Variants in VPS13B observed in about 807,000 individuals in gnomAD.
The protein encoded by VPS13B is vacuolar protein sorting 13 homolog B, also known as intermembrane lipid transfer protein VPS13B.
A neutral mutation model predicts 426.4 loss-of-function variants in VPS13B; 285 were observed. The observed-to-expected ratio is 0.67, with a 90% CI of 0.61 to 0.74. The LOEUF is 0.74. VPS13B is among the 30% of genes least tolerant of loss of function. VPS13B has a pLI of 0.00. For synonymous variants in VPS13B, 1,676 were observed against 1,676.4 expected (o/e 1.00, Z 0.01); for missense variants, 4,537 against 4,782.6 (o/e 0.95, Z 1.51).
At position 99,384,277 on chromosome 8, in the gene VPS13B, T is replaced by C. The variant is rs750265067; in HGVS notation, c.2894T>C (p.Ile965Thr). ...NIDPILYTWL[I>T]YQPQKRTSRH... ...GACCCAATCTTATATACGTGGCTCA[T>C]CTATCAGCCTCAGAAACGAACAAGT... Residue 965 changes from isoleucine (I) to threonine (T), a missense_variant, in exon 20 of 62, where the codon ATC becomes ACC. Coordinates refer to ENST00000357162, the MANE Select transcript of VPS13B (RefSeq NM_152564.5). 1 of 1,614,006 alleles carries C rather than the reference T, an allele frequency of 6.2e-7. No individual in the cohort carries two copies. The highest frequency in any genetic ancestry group is 8.5e-7 in the Non-Finnish European group (1 of 1,179,942).
intron 17 of VPS13B, among the ~76,000 whole-genome samples, chr8:99,253,659 G>A (rs1817614141): frequency 6.6e-6 from 1 of 152,034 alleles, no homozygotes; most frequent in Admixed American, 6.6e-5. Context: ...TATATTTGGA[G>A]TATGTTTCTT....
intron 3 of VPS13B, among the ~76,000 whole-genome samples, chr8:99,073,521 T>C (rs1045370968): frequency 1.3e-5 from 2 of 152,078 alleles, no homozygotes; most frequent in African/African-American, 2.4e-5. Context: ...TGAGTTCTTT[T>C]TCTGACCATT....
chr8:99,135,768 T>C, intron 11 of VPS13B, 35 bp downstream of exon 11: 1 of 1,611,870 alleles, frequency 6.2e-7, no homozygotes, highest in South Asian at 1.1e-5. Context: ...AATTCTAGGC[T>C]GTGTTTGGGT....
intron 3 of VPS13B, among the ~76,000 whole-genome samples, chr8:99,066,997 A>G (rs200028593): frequency 1.3e-5 from 2 of 152,146 alleles, no homozygotes; most frequent in East Asian, 1.9e-4. Flanking sequence ...GAAACAACAG[A>G]TGCTGGAGAG....
chr8:99,567,643 C>A (rs938840270), intron 31 of VPS13B, among the ~76,000 whole-genome samples: 2 of 151,960 alleles, frequency 1.3e-5, no homozygotes, highest in Non-Finnish European at 2.9e-5. Context: ...TTTATAGATT[C>A]TTTGTGTATG....
chr8:99,404,030 T>C (rs895493212), intron 21 of VPS13B, among the ~76,000 whole-genome samples: 4 of 152,190 alleles, frequency 2.6e-5, no homozygotes, highest in African/African-American at 9.7e-5. Context: ...CGATATGTTT[T>C]TGTTGTGTGC....
intron 30 of VPS13B, among the ~76,000 whole-genome samples, chr8:99,547,665 G>C (rs541751489): frequency 8.3e-4 from 127 of 152,156 alleles, no homozygotes; most frequent in African/African-American, 2.8e-3. Flanking sequence ...AGTCTTCTTT[G>C]GTTCCTTATG....
intron 19 of VPS13B, among the ~76,000 whole-genome samples, chr8:99,367,779 G>T (rs535619109): frequency 6.6e-6 from 1 of 152,088 alleles, no homozygotes. Context: ...TCAGTCTCCC[G>T]AGTAGCTGGG....
intron 21 of VPS13B, 70 bp from the exon 22 acceptor site, chr8:99,431,467 A>G: frequency 6.4e-7 from 1 of 1,559,406 alleles, no homozygotes; most frequent in Non-Finnish European, 8.8e-7. Context: ...AATCTTGAAA[A>G]TACGTTTGGT....
At chr8:99,865,879 C>T (rs1251500357) in intron 58 of VPS13B, among the ~76,000 whole-genome samples, 1 of 152,174 alleles carries the variant, frequency 6.6e-6, no homozygotes, top group Non-Finnish European at 1.5e-5. Flanking sequence ...CTTCCATAGC[C>T]CAGTGACCAA....
In VPS13B at chr8:99,778,669, G is replaced by T; in HGVS notation, c.7430-13G>T. The stretch of plus-strand genomic sequence containing the variant: ...ATCTTAATTGCTGTTTTCCTTGTTT[G>T]TTTTCTCAACAGCTGCACCACAGTA... On this transcript the variant is annotated splice_polypyrimidine_tract_variant and intron_variant, in intron 41 of 61. Transcript: ENST00000357162. 1 of 1,611,670 alleles carries T rather than the reference G, an allele frequency of 6.2e-7. No homozygotes were observed. The highest frequency in any genetic ancestry group is 8.5e-7 in the Non-Finnish European group (1 of 1,178,054).
At chr8:99,637,005 C>T (rs1829097889) in intron 33 of VPS13B, among the ~76,000 whole-genome samples, 1 of 151,962 alleles carries the variant, frequency 6.6e-6, no homozygotes, top group African/African-American at 2.4e-5. Flanking sequence ...AGTGGGAGAG[C>T]TGATGTAACA....
chr8:99,530,820 C>T (rs1822896080), intron 30 of VPS13B, among the ~76,000 whole-genome samples: 2 of 152,054 alleles, frequency 1.3e-5, no homozygotes, highest in African/African-American at 2.4e-5. Context: ...TGTAGACATT[C>T]AGTAGCTTCT....
At chr8:99,501,557 T>C (rs1821233375) in intron 25 of VPS13B, 130 bp from the exon 26 acceptor site, 1 of 888,966 alleles carries the variant, frequency 1.1e-6, no homozygotes, top group Non-Finnish European at 1.7e-6. Context: ...TTAACATTTA[T>C]ATGATTATCA....
chr8:99,179,028 T>C (rs1812795742), intron 16 of VPS13B, among the ~76,000 whole-genome samples: 1 of 152,214 alleles, frequency 6.6e-6, no homozygotes, highest in Non-Finnish European at 1.5e-5. Flanking sequence ...TTATGCCTTA[T>C]AACTTAAAAA....
At chr8:99,765,281 T>A (rs531116070) in intron 39 of VPS13B, among the ~76,000 whole-genome samples, 20 of 152,362 alleles carry the variant, frequency 1.3e-4, no homozygotes, top group African/African-American at 4.6e-4. Flanking sequence ...GCTTGTACAG[T>A]ACTCAGACCG....
intron 21 of VPS13B, among the ~76,000 whole-genome samples, chr8:99,423,732 G>A (rs1348553753): frequency 6.6e-6 from 1 of 152,116 alleles, no homozygotes; most frequent in East Asian, 1.9e-4. Flanking sequence ...CAGTATAACA[G>A]ATGAAAAGTA....
At chr8:99,708,134 C>G (rs541530629) in intron 36 of VPS13B, among the ~76,000 whole-genome samples, 2 of 152,134 alleles carry the variant, frequency 1.3e-5, no homozygotes, top group South Asian at 2.1e-4. Context: ...AGAAGGTTGT[C>G]TTACACTTTC....
At chr8:99,859,223 G>C in intron 56 of VPS13B, 81 bp from the exon 57 acceptor site, 2 of 1,552,944 alleles carry the variant, frequency 1.3e-6, no homozygotes, top group Non-Finnish European at 1.8e-6. Flanking sequence ...TGAATTGCAG[G>C]GAAAATGGGT....
Sources: allele counts gnomAD v4.1 joint callset (sites outside exome capture counted in the v4.1 genomes callset), GRCh38; gene constraint gnomAD v4.1.1; transcripts MANE v1.5; gene names NCBI Gene and HGNC (gene_info 2026-07-23, HGNC 2026-07-21).